The following ANKRD11 variants were observed in gnomAD, a reference collection of about 807,000 sequenced individuals.
ANKRD11 encodes the protein ankyrin repeat domain-containing protein 11.
Under a neutral mutation model 195.7 loss-of-function variants are expected in ANKRD11, and 17 were observed. The ratio of observed to expected loss-of-function variants is 0.09; its 90% CI spans 0.06 to 0.13. The LOEUF is 0.13. Among genes scored for constraint, ANKRD11 ranks in the 10% least tolerant of loss-of-function variants. The pLI is 1.00. For synonymous variants in ANKRD11, 1,953 were observed against 1,528.1 expected, an observed-to-expected ratio of 1.28 and a Z score of -6.49; for missense variants, 3,735 against 3,566.1, an observed-to-expected ratio of 1.05 and a Z score of -1.21.
rs112988977 is a variant in ANKRD11 at position 89,271,035 on chromosome 16, C to T, written c.7714-126G>A. Reference sequence around the variant, plus strand: ...AACCACAGGGGGAGCCTCATTCCACCGCGCACACACTGAATCATGTTCAAG... The same window carrying T: ...AACCACAGGGGGAGCCTCATTCCACTGCGCACACACTGAATCATGTTCAAG... On this transcript the variant is annotated intron_variant, in intron 11 of 12. Transcript: ENST00000301030. The T allele has an allele frequency of 2.2e-3, 1,783 of 823,844 alleles. 20 individuals carry two copies. The African/African-American group carries it at 0.026, about 12-fold the overall frequency. 51.0% of individuals were successfully genotyped at this position (823,844 alleles called of 1,614,324 possible).
intron 1 of ANKRD11, among the ~76,000 whole-genome samples, chr16:89,448,601 C>T (rs2043914556): frequency 6.6e-6 from 1 of 152,142 alleles, no homozygotes; most frequent in African/African-American, 2.4e-5. Flanking sequence ...AGGACATAAG[C>T]ACAAAAATAC....
chr16:89,409,985 G>A (rs1014885215), intron 2 of ANKRD11, among the ~76,000 whole-genome samples: 7 of 151,916 alleles, frequency 4.6e-5, no homozygotes, highest in South Asian at 2.1e-4. Context: ...GACTACAGGC[G>A]CCCGCCACCA....
chr16:89,427,562 C>T (rs919928132), intron 1 of ANKRD11, among the ~76,000 whole-genome samples: 15 of 152,046 alleles, frequency 9.9e-5, no homozygotes, highest in African/African-American at 3.1e-4. Flanking sequence ...TTTAGGAGGC[C>T]GAGGCGGGAG....
chr16:89,270,443 C>T (rs550211775), intron 12 of ANKRD11: 2 of 366,170 alleles, frequency 5.5e-6, no homozygotes, highest in Admixed American at 3.9e-5. Context: ...CTTCCCGGCA[C>T]CTCCCCCGCC....
intron 1 of ANKRD11, among the ~76,000 whole-genome samples, chr16:89,449,563 G>A (rs1427007085): frequency 3.3e-5 from 5 of 152,142 alleles, no homozygotes; most frequent in African/African-American, 1.2e-4. Context: ...GGAGGCCGAG[G>A]CAGGCAGATC....
intron 3 of ANKRD11, among the ~76,000 whole-genome samples, chr16:89,308,871 GGGTGCGCGCAGTAAACACAGGA>G (rs964906758): frequency 6.6e-6 from 1 of 152,100 alleles, no homozygotes; most frequent in African/African-American, 2.4e-5. Flanking sequence ...CATGAAAATG[GGGTGCGCGCAGTAAACACAGGA>G]GGTGCGCGCA....
In ANKRD11 at chr16:89,382,339, T is replaced by A. The variant is rs141862921; in HGVS notation, c.-60+35945A>T. ...TCTAGAAATATATATATATATATTT[T>A]TTTAAAGACAGAGTCTCGTTCTGTC... On this transcript the variant is annotated intron_variant, in intron 2 of 12. Transcript: ENST00000301030. Among the ~76,000 whole-genome samples, 5 of 136,166 alleles carry A rather than the reference T, an allele frequency of 3.7e-5. No individual in the cohort carries two copies. The South Asian group carries it at 1.1e-3, about 31-fold the overall frequency. The allele number at this position is 136,166 out of a possible 152,430, so 89.3% of individuals were successfully genotyped here. A position where few individuals can be genotyped will look rare whatever the true frequency, so the allele number is the denominator to read the frequency against.
chr16:89,278,990 C>G (rs761216415), intron 9 of ANKRD11, 82 bp downstream of exon 9: 2 of 1,569,918 alleles, frequency 1.3e-6, no homozygotes, highest in East Asian at 2.4e-5. Flanking sequence ...TGGGACAAGA[C>G]GGGCTGGAGG....
At chr16:89,393,243 C>A (rs1231716046) in intron 2 of ANKRD11, among the ~76,000 whole-genome samples, 1 of 152,178 alleles carries the variant, frequency 6.6e-6, no homozygotes, top group African/African-American at 2.4e-5. Context: ...ATGGCTCCCA[C>A]CCTGGGACCA....
intron 1 of ANKRD11, among the ~76,000 whole-genome samples, chr16:89,470,051 GCC>G (rs2057022734): frequency 6.7e-6 from 1 of 148,946 alleles, no homozygotes; most frequent in African/African-American, 2.5e-5. Context: ...GACTACAGGC[GCC>G]CGCCACCACG....
At chr16:89,440,638 G>A (rs1163772623) in intron 1 of ANKRD11, among the ~76,000 whole-genome samples, 1 of 152,100 alleles carries the variant, frequency 6.6e-6, no homozygotes, top group Non-Finnish European at 1.5e-5. Context: ...GAGGAGGTAA[G>A]AGGGAAAGGA....
intron 2 of ANKRD11, among the ~76,000 whole-genome samples, chr16:89,386,294 G>A (rs138931628): frequency 6.6e-6 from 1 of 151,668 alleles, no homozygotes; most frequent in Admixed American, 6.6e-5. Context: ...TTTAAAGCTT[G>A]ATTATTAAGA....
At chr16:89,460,972 C>T (rs1451761650) in intron 1 of ANKRD11, among the ~76,000 whole-genome samples, 3 of 92,210 alleles carry the variant, frequency 3.3e-5, no homozygotes, top group East Asian at 4.0e-4. Flanking sequence ...TCGTATGACC[C>T]CCCCCCCCAA....
chr16:89,281,810 G>A lies in ANKRD11; in HGVS notation c.4732C>T (p.Leu1578=). ...PREKLLGDGD[L]MMTSFERMLS... The stretch of plus-strand genomic sequence containing the variant: ...ATCCTCTCGAAGCTGGTCATCATCA[G>A]GTCGCCGTCCCCCAGGAGCTTCTCC... The change falls in exon 9 of 13, where the codon CTG becomes TTG. Residue 1578 remains leucine, a synonymous_variant. Coordinates refer to ENST00000301030, the MANE Select transcript of ANKRD11 (RefSeq NM_013275.6). This position sits in a 1 kb window ranked among gnomAD's most constrained non-coding sequence, Gnocchi z 5.5. 1 of 1,613,974 alleles carries A rather than the reference G, an allele frequency of 6.2e-7. No homozygotes were observed. Among genetic ancestry groups the A allele is most frequent in the Non-Finnish European group, 8.5e-7 (1 of 1,180,018 alleles).
At chr16:89,425,976 G>T (rs2042700683) in intron 1 of ANKRD11, among the ~76,000 whole-genome samples, 1 of 152,156 alleles carries the variant, frequency 6.6e-6, no homozygotes, top group Non-Finnish European at 1.5e-5. Flanking sequence ...TGCAGAACGA[G>T]AACAAGGGGG....
intron 1 of ANKRD11, among the ~76,000 whole-genome samples, chr16:89,467,963 G>C (rs535411228): frequency 1.4e-4 from 21 of 151,934 alleles, no homozygotes; most frequent in African/African-American, 4.8e-4. Flanking sequence ...ACCATACCCA[G>C]GTAAGTTTTT....
In ANKRD11 at chr16:89,288,342, G is replaced by C. The variant is rs999200259; in HGVS notation, c.744+186C>G. The C allele has an allele frequency of 1.0e-5, 10 of 955,682 alleles. No individual in the cohort carries two copies. The African/African-American group carries it at 1.1e-4, about 11-fold the overall frequency. The allele number at this position is 955,682 out of a possible 1,614,324, so 59.2% of individuals were successfully genotyped here. On this transcript the variant is annotated intron_variant, in intron 7 of 12. Coordinates refer to ENST00000301030, the MANE Select transcript of ANKRD11 (RefSeq NM_013275.6). ...TGGGAAACCTGTGAGAGGCCGTCCA[G>C]GCTGACCCAGAAGGGGAAAGCTGGG...
At chr16:89,387,885 G>C (rs2040993349) in intron 2 of ANKRD11, among the ~76,000 whole-genome samples, 1 of 149,320 alleles carries the variant, frequency 6.7e-6, no homozygotes, top group African/African-American at 2.5e-5. Flanking sequence ...GGTGGTGGTC[G>C]GGTCTCCCCA....
intron 2 of ANKRD11, among the ~76,000 whole-genome samples, chr16:89,337,318 CG>C (rs2038415620): frequency 6.6e-6 from 1 of 151,892 alleles, no homozygotes; most frequent in African/African-American, 2.4e-5. Context: ...TCCTCCGCCA[CG>C]TGACCAAGCC....
Sources: allele counts gnomAD v4.1 joint callset (sites outside exome capture counted in the v4.1 genomes callset), GRCh38; gene constraint gnomAD v4.1.1; non-coding constraint Gnocchi (gnomAD v3.1); transcripts MANE v1.5; gene names NCBI Gene and HGNC (gene_info 2026-07-23, HGNC 2026-07-21).